Variants in ANKRD12 observed in about 807,000 individuals in gnomAD.
ANKRD12 encodes the protein ankyrin repeat domain 12.
Under a neutral mutation model 183.4 loss-of-function variants are expected in ANKRD12, and 85 were observed. That is an observed-to-expected ratio of 0.46 (90% CI 0.39 to 0.56). ANKRD12 has a LOEUF of 0.56. Among genes scored for constraint, ANKRD12 ranks in the 20% least tolerant of loss-of-function variants. The pLI is 0.00. For synonymous variants in ANKRD12, 914 were observed against 800.2 expected, an observed-to-expected ratio of 1.14 and a Z score of -2.40; for missense variants, 2,405 against 2,357.1, an observed-to-expected ratio of 1.02 and a Z score of -0.42.
intron 2 of ANKRD12, among the ~76,000 whole-genome samples, chr18:9,188,828 A>G (rs373184865): frequency 6.6e-6 from 1 of 152,322 alleles, no homozygotes; most frequent in South Asian, 2.1e-4. Flanking sequence ...TTAATGTTGT[A>G]TGTGTTCTAC....
chr18:9,176,983 T>G (rs527896149), intron 1 of ANKRD12, among the ~76,000 whole-genome samples: 1 of 150,938 alleles, frequency 6.6e-6, no homozygotes, highest in Non-Finnish European at 1.5e-5. Flanking sequence ...CATAGACTGT[T>G]TGGTCTGTAA....
At chr18:9,155,158 A>C (rs2030214836) in intron 1 of ANKRD12, among the ~76,000 whole-genome samples, 1 of 152,204 alleles carries the variant, frequency 6.6e-6, no homozygotes, top group Non-Finnish European at 1.5e-5. Flanking sequence ...CTTCTTGGAG[A>C]AGTGGGGAGG....
At chr18:9,274,439 C>T (rs192059102) in intron 10 of ANKRD12, among the ~76,000 whole-genome samples, 1 of 152,152 alleles carries the variant, frequency 6.6e-6, no homozygotes, top group Non-Finnish European at 1.5e-5. Context: ...AAGCCAATCA[C>T]CAAAGACCAC....
At chr18:9,202,352 A>C (rs1598541517) in intron 3 of ANKRD12, among the ~76,000 whole-genome samples, 2 of 152,342 alleles carry the variant, frequency 1.3e-5, no homozygotes, top group East Asian at 1.9e-4. Flanking sequence ...CTTCTTTTAA[A>C]AACAAAACAG....
At chr18:9,188,866 C>G (rs563027812) in intron 2 of ANKRD12, among the ~76,000 whole-genome samples, 50 of 152,348 alleles carry the variant, frequency 3.3e-4, no homozygotes, top group Admixed American at 2.2e-3. Context: ...TCTCTCCCAA[C>G]TCCGCCCCTC....
chr18:9,212,838 A>G (rs938853479), intron 6 of ANKRD12, among the ~76,000 whole-genome samples: 2 of 151,986 alleles, frequency 1.3e-5, no homozygotes, highest in Non-Finnish European at 2.9e-5. Flanking sequence ...TTTCATGATC[A>G]GTAGTGATGG....
At chr18:9,158,521 T>C (rs1258168278) in intron 1 of ANKRD12, among the ~76,000 whole-genome samples, 1 of 152,192 alleles carries the variant, frequency 6.6e-6, no homozygotes, top group Non-Finnish European at 1.5e-5. Flanking sequence ...TTCTCATGAT[T>C]AGGCTGGGGT....
At chr18:9,208,472 G>A (rs777993677) in intron 4 of ANKRD12, among the ~76,000 whole-genome samples, 185 bp from the exon 5 acceptor site, 8 of 151,834 alleles carry the variant, frequency 5.3e-5, no homozygotes, top group Admixed American at 3.9e-4. Flanking sequence ...TTTTTTCAAA[G>A]CAGTCAGGAA....
chr18:9,187,380 G>T (rs748611470), intron 2 of ANKRD12, among the ~76,000 whole-genome samples: 1 of 152,232 alleles, frequency 6.6e-6, no homozygotes, highest in South Asian at 2.1e-4. Context: ...TTCCAGCCTG[G>T]CAAGAGAGCA....
chr18:9,152,001 G>T (rs2078700683), intron 1 of ANKRD12, among the ~76,000 whole-genome samples: 1 of 152,152 alleles, frequency 6.6e-6, no homozygotes, highest in African/African-American at 2.4e-5. Context: ...AGGATTACTT[G>T]AGGCCATGAG....
At position 9,174,359 on chromosome 18, in the gene ANKRD12, A is replaced by G. The variant is rs372684912; in HGVS notation, c.-51-8023A>G. 1.8e-4 allele frequency among the ~76,000 whole-genome samples: 28 copies of G among 152,272 alleles called. No homozygotes were observed. The East Asian group carries it at 5.2e-3, about 28-fold the overall frequency. On this transcript the variant is annotated intron_variant, in intron 1 of 12. Coordinates refer to ENST00000262126, the MANE Select transcript of ANKRD12 (RefSeq NM_015208.5). ...GCCCTCTTCCTAGGGGAGGATACGG[A>G]TGGATTTCTCACCTTGTTGGGATTC... is the stretch of plus-strand genomic sequence containing the variant.
In ANKRD12 at chr18:9,182,538, G is replaced by T. The variant is rs2144186534; in HGVS notation, c.87+19G>T. On this transcript the variant is annotated intron_variant, in intron 2 of 12. Coordinates refer to ENST00000262126, the MANE Select transcript of ANKRD12 (RefSeq NM_015208.5). Reference sequence around the variant, plus strand: ...AAGAAAGGTATATGATTATACTAAAGATTTGTTGACTTTTTGAACTGGGAA... The same window carrying T: ...AAGAAAGGTATATGATTATACTAAATATTTGTTGACTTTTTGAACTGGGAA... 6.7e-7 allele frequency: 1 copy of T among 1,491,964 alleles called. No individual in the cohort carries two copies. The highest frequency in any genetic ancestry group is 9.1e-7 in the Non-Finnish European group (1 of 1,104,914). The allele number at this position is 1,491,964 out of a possible 1,614,324, so 92.4% of individuals were successfully genotyped here.
chr18:9,236,963 C>T (rs1400335513), intron 8 of ANKRD12, among the ~76,000 whole-genome samples: 1 of 152,128 alleles, frequency 6.6e-6, no homozygotes, highest in Non-Finnish European at 1.5e-5. Flanking sequence ...CATAAGAATC[C>T]TGTACCTGGC....
Position 9,230,220 on chromosome 18 carries a change from A to G in ANKRD12, c.943+8221A>G, listed in dbSNP as rs1168468712. ...TTCTGGTTTGATTTTGGCAGGTTGT[A>G]TATTTCCAGGACTGTATCCATTCCC... On this transcript the variant is annotated intron_variant, in intron 8 of 12. Transcript: ENST00000262126. 3.9e-5 allele frequency among the ~76,000 whole-genome samples: 6 copies of G among 152,228 alleles called. No homozygotes were observed. In the South Asian group the frequency reaches 6.2e-4, roughly 16 times the overall value.
intron 1 of ANKRD12, among the ~76,000 whole-genome samples, chr18:9,173,695 A>G (rs1181761758): frequency 2.6e-5 from 4 of 151,794 alleles, no homozygotes; most frequent in African/African-American, 9.7e-5. Flanking sequence ...GATCCCCGTT[A>G]GGAGGTCTCA....
At chr18:9,172,885 T>C (rs1390676952) in intron 1 of ANKRD12, among the ~76,000 whole-genome samples, 1 of 151,968 alleles carries the variant, frequency 6.6e-6, no homozygotes, top group African/African-American at 2.4e-5. Flanking sequence ...GCTGATCTTT[T>C]TTTTTTGTTT....
intron 1 of ANKRD12, among the ~76,000 whole-genome samples, chr18:9,168,338 C>T (rs1456710429): frequency 6.6e-6 from 1 of 152,148 alleles, no homozygotes; most frequent in African/African-American, 2.4e-5. Flanking sequence ...GGCTGTGAAT[C>T]CATCTGGTCC....
At chr18:9,220,886 T>C (rs2144741013) in intron 7 of ANKRD12, among the ~76,000 whole-genome samples, 1 of 152,272 alleles carries the variant, frequency 6.6e-6, no homozygotes, top group East Asian at 1.9e-4. Context: ...TCTTTTCAGG[T>C]CTTAAAAGGG....
intron 2 of ANKRD12, among the ~76,000 whole-genome samples, chr18:9,195,146 AC>A (rs1333508585): frequency 6.6e-6 from 1 of 152,178 alleles, no homozygotes; most frequent in Admixed American, 6.5e-5. Context: ...GTACACATGG[AC>A]ATGAAGGGAA....
Sources: allele counts gnomAD v4.1 joint callset (sites outside exome capture counted in the v4.1 genomes callset), GRCh38; gene constraint gnomAD v4.1.1; transcripts MANE v1.5; gene names NCBI Gene and HGNC (gene_info 2026-07-23, HGNC 2026-07-21).